DHX35: variants seen among roughly 807,000 people sequenced by gnomAD.
DHX35 encodes probable ATP-dependent RNA helicase DHX35.
In DHX35, 84 loss-of-function variants were observed where a neutral mutation model predicts 99.6. That is an observed-to-expected ratio of 0.84 (90% CI 0.71 to 1.01). The LOEUF (loss-of-function observed/expected upper bound fraction) is 1.01. Among genes scored for constraint, DHX35 ranks in the 50% least tolerant of loss-of-function variants. The pLI is 0.00. For synonymous variants in DHX35, 331 were observed against 316.2 expected, an observed-to-expected ratio of 1.05 and a Z score of -0.50; for missense variants, 852 against 888.5, an observed-to-expected ratio of 0.96 and a Z score of 0.52.
rs773389632 is a variant in DHX35 at position 39,034,281 on chromosome 20, G to T, written c.2031G>T (p.Leu677=). The change falls in exon 21 of 22, where the codon CTG becomes CTT. Residue 677 remains leucine, a synonymous_variant. Transcript: ENST00000252011. The part of the protein sequence containing the change: ...RDVTAIESAW[L]LELAPHFYQQ... ...TGACTGCCATTGAATCGGCCTGGCT[G>T]TTGGAGCTGGCTCCACACTTTTATC... The T allele has an allele frequency of 6.2e-7, 1 of 1,614,190 alleles. No individual in the cohort carries two copies. Among genetic ancestry groups the T allele is most frequent in the Middle Eastern group, 1.6e-4 (1 of 6,062 alleles).
rs201032383 is a variant in DHX35 at position 39,023,782 on chromosome 20, T to C, written c.1671+15T>C. On this transcript the variant is annotated intron_variant, in intron 17 of 21. Coordinates refer to ENST00000252011, the MANE Select transcript of DHX35 (RefSeq NM_021931.4). ...CATTTATCAAAGTAAGCACAACTAC[T>C]GCTCGAAGTGCCGCCTCAACACACC... The C allele has an allele frequency of 5.6e-6, 9 of 1,609,084 alleles. No homozygotes were observed. In the East Asian group the frequency reaches 2.0e-4, roughly 36 times the overall value.
chr20:38,977,583 A>G (rs1387251160), intron 3 of DHX35: 2 of 301,166 alleles, frequency 6.6e-6, no homozygotes, highest in African/African-American at 4.5e-5. Flanking sequence ...GTGGAGTTCC[A>G]TCTTTAAAAA....
intron 9 of DHX35, among the ~76,000 whole-genome samples, 176 bp downstream of exon 9, chr20:39,002,018 A>G (rs570103275): frequency 6.6e-6 from 1 of 152,338 alleles, no homozygotes; most frequent in Admixed American, 6.5e-5. Context: ...AATTTAGTTT[A>G]AACTGTTCAC....
intron 16 of DHX35, among the ~76,000 whole-genome samples, chr20:39,022,592 G>A (rs954472309): frequency 6.6e-6 from 1 of 152,216 alleles, no homozygotes; most frequent in Non-Finnish European, 1.5e-5. Flanking sequence ...TCTAGTTTCT[G>A]TCAGGGAAAT....
intron 14 of DHX35, among the ~76,000 whole-genome samples, chr20:39,017,941 A>G (rs1286386032): frequency 1.3e-5 from 2 of 152,104 alleles, no homozygotes; most frequent in Admixed American, 6.5e-5. Flanking sequence ...GGTTTAATGG[A>G]CTCACAGTTC....
chr20:39,016,056 T>C (rs1331578755), intron 14 of DHX35, among the ~76,000 whole-genome samples: 1 of 152,224 alleles, frequency 6.6e-6, no homozygotes, highest in Non-Finnish European at 1.5e-5. Context: ...AAGAGGTTTA[T>C]TTGGGTCACG....
intron 14 of DHX35, among the ~76,000 whole-genome samples, chr20:39,018,538 G>C (rs893652956): frequency 6.6e-6 from 1 of 151,662 alleles, no homozygotes; most frequent in Admixed American, 6.6e-5. Context: ...GCTGCAGGGG[G>C]ATTTCCTTAT....
chr20:38,983,706 C>G lies in DHX35; in HGVS notation c.275C>G (p.Ala92Gly). 2 of 1,613,954 alleles carry G rather than the reference C, an allele frequency of 1.2e-6. No individual in the cohort carries two copies. Among genetic ancestry groups the G allele is most frequent in the Non-Finnish European group, 1.7e-6 (2 of 1,179,892 alleles). Residue 92 changes from alanine to glycine, a missense_variant, in exon 4 of 22, where the codon GCA (alanine) becomes GGA (glycine). Physicochemically the swap from Ala to Gly is moderately conservative, Grantham distance 60 (BLOSUM62 0). Transcript: ENST00000252011. ...GKSTQIPQYL[A>G]EAGWTAEGRV... ...ATGTGATTTTGTTTGTAGTACCTTG[C>G]AGAAGCCGGCTGGACAGCTGAAGGA...
chr20:39,030,443 C>A, intron 19 of DHX35: 1 of 484,042 alleles, frequency 2.1e-6, no homozygotes, highest in East Asian at 3.6e-5. Flanking sequence ...ATAGGCAGAG[C>A]ATTTTATTCC....
intron 5 of DHX35, 72 bp from the exon 6 acceptor site, chr20:38,991,382 T>G (rs2086334650): frequency 1.4e-6 from 2 of 1,411,684 alleles, no homozygotes; most frequent in African/African-American, 2.9e-5. Context: ...AGGTTGCACT[T>G]GAACTTAAAA....
chr20:38,992,394 A>T lies in DHX35; in HGVS notation c.551A>T (p.Tyr184Phe). Residue 184 changes from tyrosine (Y) to phenylalanine (F), a missense_variant, in exon 7 of 22, where the codon TAC becomes TTC. Coordinates refer to ENST00000252011, the MANE Select transcript of DHX35 (RefSeq NM_021931.4). ...GATGAAGCCCACGAGAGGACCTTGT[A>T]CACTGACATTGCCATTGGCTTGCTA... ...MLDEAHERTL[Y>F]TDIAIGLLKK... is the part of the protein sequence containing the mutation. 1 of 1,614,156 alleles carries T rather than the reference A, an allele frequency of 6.2e-7. No homozygotes were observed. The highest frequency in any genetic ancestry group is 8.5e-7 in the Non-Finnish European group (1 of 1,180,004).
At position 39,003,799 on chromosome 20, in the gene DHX35, A is replaced by G. The variant is rs777067171; in HGVS notation, c.903A>G (p.Leu301=). Residue 301 remains leucine (L), a synonymous_variant, in exon 11 of 22, where the codon CTA becomes CTG. Coordinates refer to ENST00000252011, the MANE Select transcript of DHX35 (RefSeq NM_021931.4). ...TGCTCATCGAGCAGGCTCGAGCACT[A>G]GCTCGCACTGGGATGAAGAGACACC... The part of the protein sequence containing the change: ...VSMLIEQARA[L]ARTGMKRHLR... The G allele has an allele frequency of 1.5e-5, 24 of 1,613,958 alleles. No individual in the cohort carries two copies. Among genetic ancestry groups the G allele is most frequent in the Non-Finnish European group, 1.9e-5 (22 of 1,179,926 alleles).
intron 12 of DHX35, among the ~76,000 whole-genome samples, chr20:39,009,089 C>T (rs531836519): frequency 1.2e-4 from 19 of 152,312 alleles, no homozygotes; most frequent in African/African-American, 4.3e-4. Flanking sequence ...CTCAGGAGAG[C>T]TTGCCTGTCA....
chr20:38,989,265 G>GTTTTTTTTTTT (rs59991063), intron 5 of DHX35, among the ~76,000 whole-genome samples: 19 of 111,872 alleles, frequency 1.7e-4, no homozygotes, highest in African/African-American at 3.2e-4. Context: ...ACCCGGCTAA[G>GTTTTTTTTTTT]TTTTTTTTTT....
intron 8 of DHX35, among the ~76,000 whole-genome samples, chr20:38,996,976 A>G (rs1398886972): frequency 2.0e-5 from 3 of 148,870 alleles, no homozygotes; most frequent in Admixed American, 6.7e-5. Flanking sequence ...AAATTATTAA[A>G]TTAAGTTAAA....
chr20:39,009,421 T>A (rs1038275835), intron 12 of DHX35, among the ~76,000 whole-genome samples: 4 of 152,070 alleles, frequency 2.6e-5, no homozygotes, highest in Admixed American at 2.6e-4. Flanking sequence ...TTTTTTTTTT[T>A]CCTCTAGTTA....
intron 11 of DHX35, among the ~76,000 whole-genome samples, chr20:39,004,115 T>C (rs996724032): frequency 2.0e-5 from 3 of 152,058 alleles, no homozygotes; most frequent in African/African-American, 7.2e-5. Context: ...CAGGCTGGAG[T>C]GCAGTGGCGC....
intron 3 of DHX35, among the ~76,000 whole-genome samples, chr20:38,982,978 T>C (rs1453841717): frequency 6.6e-6 from 1 of 150,816 alleles, no homozygotes; most frequent in Admixed American, 6.6e-5. Context: ...CAGGCTGGAG[T>C]GCAGTGGCAG....
rs62202593 is a variant in DHX35, at chr20:39,012,892, A to G, written c.1348-1988A>G. On this transcript the variant is annotated intron_variant, in intron 13 of 21. Transcript: ENST00000252011. ...AATGGTGAAATCGAAAACTGCCACAATTTGGGAAAGTAAATTCCTCCCATG... is the reference window on the plus strand; with the variant it reads ...AATGGTGAAATCGAAAACTGCCACAGTTTGGGAAAGTAAATTCCTCCCATG... Among the ~76,000 whole-genome samples, 1,297 of 152,346 alleles carry G rather than the reference A, an allele frequency of 8.5e-3. 19 individuals carry two copies. The highest frequency in any genetic ancestry group is 0.03 in the African/African-American group (1,236 of 41,574).
Sources: gnomAD v4.1 joint callset for allele counts (sites outside exome capture counted in the v4.1 genomes callset) on GRCh38, gnomAD v4.1.1 for gene constraint, MANE v1.5 for transcripts, NCBI Gene and HGNC (gene_info 2026-07-23, HGNC 2026-07-21) for gene names.